DYNLRB1: variants seen among roughly 807,000 people sequenced by gnomAD.
The protein encoded by DYNLRB1 is dynein light chain roadblock-type 1, also known as ROBL/LC7-like 1.
In DYNLRB1, 6 loss-of-function variants were observed where a neutral mutation model predicts 13.5. The ratio of observed to expected loss-of-function variants is 0.44; its 90% CI spans 0.24 to 0.88. DYNLRB1 has a LOEUF of 0.88. Among genes scored for constraint, DYNLRB1 ranks in the 40% least tolerant of loss-of-function variants. The probability of loss-of-function intolerance (pLI) is 0.21; values close to 1 mark genes in which losing one functional copy is unlikely to be tolerated. For synonymous variants in DYNLRB1, 43 were observed against 45.0 expected, an observed-to-expected ratio of 0.96 and a Z score of 0.18; for missense variants, 93 against 127.2, an observed-to-expected ratio of 0.73 and a Z score of 1.29.
At chr20:34,535,906 C>T (rs962483490) in intron 3 of DYNLRB1, 3 of 985,216 alleles carry the variant, frequency 3.0e-6, no homozygotes, top group Admixed American at 6.2e-5. Flanking sequence ...ATGCTCTGGA[C>T]TGGCAACACA....
chr20:34,519,531 C>G lies in DYNLRB1; in HGVS notation c.3+3070C>G, dbSNP rs1159650399. On this transcript the variant is annotated intron_variant, in intron 1 of 3. Transcript: ENST00000357156. Reference sequence around the variant, plus strand: ...AAAAATAAGAGAAAACAGAAGTTGACTTTAAGATATATATGTATATATCTT... The same window carrying G: ...AAAAATAAGAGAAAACAGAAGTTGAGTTTAAGATATATATGTATATATCTT... Among the ~76,000 whole-genome samples, 3 of 152,260 alleles carry G rather than the reference C, an allele frequency of 2.0e-5. No individual in the cohort carries two copies. The East Asian group carries it at 5.8e-4, about 29-fold the overall frequency.
chr20:34,515,749 C>CGG (rs1167829490), upstream of DYNLRB1, among the ~76,000 whole-genome samples: 1 of 152,136 alleles, frequency 6.6e-6, no homozygotes, highest in African/African-American at 2.4e-5. Flanking sequence ...TCTCAGCAAC[C>CGG]GTCCCACTTG....
At chr20:34,521,866 C>G (rs1490271952) in intron 1 of DYNLRB1, among the ~76,000 whole-genome samples, 3 of 152,032 alleles carry the variant, frequency 2.0e-5, no homozygotes, top group Non-Finnish European at 2.9e-5. Flanking sequence ...GGCAACATGT[C>G]GAAACCCCAT....
intron 2 of DYNLRB1, chr20:34,533,662 T>C (rs1441242833): frequency 7.6e-6 from 2 of 263,110 alleles, no homozygotes; most frequent in Non-Finnish European, 1.2e-5. Context: ...CTTCTAAAAA[T>C]ACAAAAATCA....
intron 1 of DYNLRB1, among the ~76,000 whole-genome samples, chr20:34,525,020 G>A (rs928117509): frequency 3.3e-5 from 5 of 152,122 alleles, no homozygotes; most frequent in Admixed American, 6.5e-5. Flanking sequence ...CCGCCGCACC[G>A]GCCCCATTTG....
In DYNLRB1 at chr20:34,535,133, CT is replaced by C. The variant is rs930823236; in HGVS notation, c.247+340del. On this transcript the variant is annotated intron_variant, in intron 3 of 3. Coordinates refer to ENST00000357156, the MANE Select transcript of DYNLRB1 (RefSeq NM_014183.4). Reference sequence around the variant, plus strand: ...GCCTGTCTGGGGCTGTCTGCAAAAGCTTCCCAGAAGAGGGGACACTGGAGCT... The same window carrying C: ...GCCTGTCTGGGGCTGTCTGCAAAAGCTCCCAGAAGAGGGGACACTGGAGCT... 6.1e-5 allele frequency: 60 copies of C among 984,916 alleles called. No individual in the cohort carries two copies. In the African/African-American group the frequency reaches 9.8e-4, roughly 16 times the overall value. The allele number at this position is 984,916 out of a possible 1,614,324, so 61.0% of individuals were successfully genotyped here.
chr20:34,535,282 G>A (rs1981053156), intron 3 of DYNLRB1: 1 of 985,374 alleles, frequency 1.0e-6, no homozygotes. Flanking sequence ...TTTTATCCTT[G>A]AAAACATGTT....
chr20:34,530,594 G>A (rs1242077489), intron 2 of DYNLRB1: 1 of 152,524 alleles, frequency 6.6e-6, no homozygotes, highest in Non-Finnish European at 1.5e-5. Context: ...TTGCAGATGA[G>A]AAACCCAAAG....
upstream of DYNLRB1, chr20:34,516,282 G>GAA (rs1979154846): frequency 9.5e-7 from 1 of 1,048,514 alleles, no homozygotes; most frequent in East Asian, 2.6e-5. Context: ...TGCCACAGTG[G>GAA]AAAGCAGATT....
chr20:34,536,646 G>A (rs993370541), intron 3 of DYNLRB1, among the ~76,000 whole-genome samples: 7 of 151,794 alleles, frequency 4.6e-5, no homozygotes, highest in Non-Finnish European at 1.0e-4. Flanking sequence ...TTGGGACGCT[G>A]AGGCAGGAGA....
intron 2 of DYNLRB1, among the ~76,000 whole-genome samples, chr20:34,528,825 T>G (rs1980468002): frequency 6.6e-6 from 1 of 151,630 alleles, no homozygotes; most frequent in Non-Finnish European, 1.5e-5. Context: ...AAAAGAAAAA[T>G]TAGGCAGGTG....
chr20:34,531,472 G>A (rs1298378390), intron 2 of DYNLRB1, among the ~76,000 whole-genome samples: 5 of 152,152 alleles, frequency 3.3e-5, no homozygotes, highest in South Asian at 2.1e-4. Context: ...ATTTCTTCCC[G>A]GTTTTGGTCC....
intron 1 of DYNLRB1, among the ~76,000 whole-genome samples, chr20:34,524,041 A>C (rs529201996): frequency 2.6e-5 from 4 of 152,182 alleles, no homozygotes; most frequent in Non-Finnish European, 5.9e-5. Flanking sequence ...TCTTATTCTG[A>C]CAACATTGAG....
At chr20:34,540,177 C>T (rs1981468103) in intron 3 of DYNLRB1, among the ~76,000 whole-genome samples, 1 of 152,234 alleles carries the variant, frequency 6.6e-6, no homozygotes, top group Non-Finnish European at 1.5e-5. Flanking sequence ...AATGATGGTT[C>T]TGGGCGTAGA....
Position 34,527,483 on chromosome 20 carries a change from C to CA in DYNLRB1, c.79+1140_79+1141insA, listed in dbSNP as rs577934908. 8.4e-3 allele frequency among the ~76,000 whole-genome samples: 1,275 copies of CA among 152,334 alleles called. 8 individuals carry two copies. Among genetic ancestry groups the CA allele is most frequent in the Admixed American group, 0.014 (210 of 15,304 alleles). On this transcript the variant is annotated intron_variant, in intron 2 of 3. Coordinates refer to ENST00000357156, the MANE Select transcript of DYNLRB1 (RefSeq NM_014183.4). Reference sequence around the variant, plus strand: ...TGTGAGGCATTTGTTCATACAAACTCTGATTTACCTGATTGGGTTCCCCTG... The same window carrying CA: ...TGTGAGGCATTTGTTCATACAAACTCATGATTTACCTGATTGGGTTCCCCTG...
intron 1 of DYNLRB1, among the ~76,000 whole-genome samples, chr20:34,521,147 G>C (rs1426947349): frequency 1.3e-5 from 2 of 151,934 alleles, no homozygotes; most frequent in Admixed American, 6.6e-5. Flanking sequence ...TGAGTAGCTG[G>C]GATTACAGGC....
Position 34,534,718 on chromosome 20 carries a change from T to C in DYNLRB1, c.170T>C (p.Val57Ala), listed in dbSNP as rs1307009139. Reference sequence around the variant, plus strand: ...TTCATCCTGAAGGCACGGAGCACCGTGCGTGACATCGACCCCCAGAACGAT... The same window carrying C: ...TTCATCCTGAAGGCACGGAGCACCGCGCGTGACATCGACCCCCAGAACGAT... ...HSFILKARST[V>A]RDIDPQNDLT... Residue 57 changes from valine to alanine, a missense_variant, in exon 3 of 4, where the codon GTG becomes GCG. By Grantham distance (64) the Val-to-Ala change is moderately conservative. Transcript: ENST00000357156. 1.2e-6 allele frequency: 2 copies of C among 1,613,404 alleles called. No individual in the cohort carries two copies. The highest frequency in any genetic ancestry group is 1.3e-5 in the African/African-American group (1 of 74,924).
chr20:34,537,478 A>C (rs1981238628), intron 3 of DYNLRB1, among the ~76,000 whole-genome samples: 1 of 152,178 alleles, frequency 6.6e-6, no homozygotes, highest in South Asian at 2.1e-4. Flanking sequence ...TCCACTGCTG[A>C]CACCCCACTG....
chr20:34,540,487 T>A, intron 3 of DYNLRB1, 94 bp from the exon 4 acceptor site: 1 of 1,207,594 alleles, frequency 8.3e-7, no homozygotes. Flanking sequence ...CCTTCCTCAT[T>A]TTATGGTTAG....
Sources: allele counts gnomAD v4.1 joint callset (sites outside exome capture counted in the v4.1 genomes callset), GRCh38; gene constraint gnomAD v4.1.1; transcripts MANE v1.5; gene names NCBI Gene and HGNC (gene_info 2026-07-23, HGNC 2026-07-21).